The following GRIK3 variants were observed in gnomAD, a reference collection of about 807,000 sequenced individuals.
The protein encoded by GRIK3 is glutamate ionotropic receptor kainate type subunit 3.
A neutral mutation model predicts 102.5 loss-of-function variants in GRIK3; 29 were observed. The observed-to-expected ratio is 0.28, with a 90% CI of 0.21 to 0.39. The LOEUF is 0.39. GRIK3 is among the 10% of genes least tolerant of loss of function. GRIK3 has a pLI of 1.00. For synonymous variants in GRIK3, 511 were observed against 504.9 expected (o/e 1.01, Z -0.16); for missense variants, 908 against 1,252.4 (o/e 0.73, Z 4.15).
chr1:36,951,851 G>GAGGGC (rs1355540807), intron 1 of GRIK3, among the ~76,000 whole-genome samples: 1 of 152,018 alleles, frequency 6.6e-6, no homozygotes, highest in Admixed American at 6.5e-5. Flanking sequence ...AAGGAGGTTG[G>GAGGGC]AGGGCGGAGG....
In GRIK3 at chr1:36,806,961, A is replaced by G. The variant is rs1409005842; in HGVS notation, c.2092-635T>C. On this transcript the variant is annotated intron_variant, in intron 13 of 15. Coordinates refer to ENST00000373091, the MANE Select transcript of GRIK3 (RefSeq NM_000831.4). The surrounding 1 kb of genome is among the most constrained non-coding windows in gnomAD (Gnocchi z 4.0). The stretch of plus-strand genomic sequence containing the variant: ...TGGGCCTCCCCTTTCACTTCAACCA[A>G]TGGAGGCCTCTTTTATGTCCTGTTT... Among the ~76,000 whole-genome samples the G allele has an allele frequency of 3.3e-5, 5 of 151,906 alleles. No individual in the cohort carries two copies. The highest frequency in any genetic ancestry group is 2.1e-4 in the South Asian group (1 of 4,814).
rs2124178782 is a variant in GRIK3 at position 36,806,940 on chromosome 1, C to T, written c.2092-614G>A. Among the ~76,000 whole-genome samples the T allele has an allele frequency of 6.6e-6, 1 of 152,312 alleles. No homozygotes were observed. ...GGGGCAAAGCTGAGTGGGTCCTGGG[C>T]CTCCCCTTTCACTTCAACCAATGGA... On this transcript the variant is annotated intron_variant, in intron 13 of 15. Transcript: ENST00000373091. This position sits in a 1 kb window ranked among gnomAD's most constrained non-coding sequence, Gnocchi z 4.0.
chr1:36,806,334 G>A lies in GRIK3; in HGVS notation c.2092-8C>T, dbSNP rs1257101097. On this transcript the variant is annotated splice_polypyrimidine_tract_variant and splice_region_variant and intron_variant, in intron 13 of 15. Coordinates refer to ENST00000373091, the MANE Select transcript of GRIK3 (RefSeq NM_000831.4). This position sits in a 1 kb window ranked among gnomAD's most constrained non-coding sequence, Gnocchi z 4.0. Reference sequence around the variant, plus strand: ...GGTGGAGATCTTGGATTTCTGGGCCGTGAGGGAAGGGGTGATGCACACACC... The same window carrying A: ...GGTGGAGATCTTGGATTTCTGGGCCATGAGGGAAGGGGTGATGCACACACC... The A allele has an allele frequency of 1.8e-5, 29 of 1,589,682 alleles. No homozygotes were observed. The highest frequency in any genetic ancestry group is 2.3e-5 in the Non-Finnish European group (27 of 1,159,478).
chr1:36,903,444 C>T (rs895675038), intron 1 of GRIK3, among the ~76,000 whole-genome samples: 19 of 152,194 alleles, frequency 1.2e-4, no homozygotes, highest in African/African-American at 2.4e-4. Flanking sequence ...TACTCTTACA[C>T]GCAAGTGCAA....
intron 1 of GRIK3, among the ~76,000 whole-genome samples, chr1:37,006,012 AAG>A (rs1320115630): frequency 3.7e-4 from 56 of 152,090 alleles, no homozygotes; most frequent in African/African-American, 1.3e-3. Context: ...GCTAGCCTGA[AAG>A]GGGATAAGGC....
chr1:36,986,077 A>T (rs1174749862), intron 1 of GRIK3, among the ~76,000 whole-genome samples: 2 of 151,898 alleles, frequency 1.3e-5, no homozygotes, highest in East Asian at 3.9e-4. Flanking sequence ...AGAAGAAGGG[A>T]CCCCACCCTT....
intron 1 of GRIK3, among the ~76,000 whole-genome samples, chr1:36,991,354 C>T (rs1368471865): frequency 2.0e-5 from 3 of 152,216 alleles, no homozygotes; most frequent in Non-Finnish European, 2.9e-5. Flanking sequence ...GCCACAGACA[C>T]CATCTTCCTT....
intron 1 of GRIK3, among the ~76,000 whole-genome samples, chr1:36,961,677 G>A (rs1476855903): frequency 6.6e-6 from 1 of 152,244 alleles, no homozygotes; most frequent in African/African-American, 2.4e-5. Flanking sequence ...TGAATGTCTC[G>A]AGATGGCAGA....
chr1:36,875,387 G>A (rs181385678), intron 3 of GRIK3, among the ~76,000 whole-genome samples: 332 of 152,358 alleles, frequency 2.2e-3, no homozygotes, highest in African/African-American at 7.1e-3. Context: ...CCTTGGGGGA[G>A]ATTGCAGCCA....
chr1:36,801,662 A>G lies in GRIK3; in HGVS notation c.*189T>C. Reference sequence around the variant, plus strand: ...GAAACCCACAGAAGATCTGAGGAGGATGAAGCCCAAGCAGCTGGCCTGAGA... The same window carrying G: ...GAAACCCACAGAAGATCTGAGGAGGGTGAAGCCCAAGCAGCTGGCCTGAGA... On this transcript the variant is annotated 3_prime_UTR_variant, in exon 16 of 16. Coordinates refer to ENST00000373091, the MANE Select transcript of GRIK3 (RefSeq NM_000831.4). 2.0e-6 allele frequency: 1 copy of G among 490,152 alleles called. No individual in the cohort carries two copies. Among genetic ancestry groups the G allele is most frequent in the South Asian group, 4.1e-5 (1 of 24,624 alleles). The allele number at this position is 490,152 out of a possible 1,614,324, so 30.4% of individuals were successfully genotyped here.
At chr1:36,948,793 C>T (rs979237573) in intron 1 of GRIK3, among the ~76,000 whole-genome samples, 2 of 152,236 alleles carry the variant, frequency 1.3e-5, no homozygotes, top group Non-Finnish European at 2.9e-5. Context: ...GTCTCCAGCC[C>T]TCCAGCCCTC....
intron 10 of GRIK3, among the ~76,000 whole-genome samples, chr1:36,841,371 C>A (rs931587478): frequency 6.6e-6 from 1 of 152,196 alleles, no homozygotes; most frequent in Non-Finnish European, 1.5e-5. Flanking sequence ...GGGTGCCTTG[C>A]CCCATAGCTG....
chr1:36,825,635 C>G lies in GRIK3; in HGVS notation c.1722G>C (p.Leu574=), dbSNP rs761667099. 3.0e-5 allele frequency: 48 copies of G among 1,603,598 alleles called. No homozygotes were observed. The highest frequency in any genetic ancestry group is 4.1e-5 in the Non-Finnish European group (48 of 1,175,030). The change falls in exon 11 of 16, where the codon CTG becomes CTC. Residue 574 remains leucine, a synonymous_variant. Transcript: ENST00000373091. ...TGACGAAGAGGACACAGCTGACCCC[C>G]AGGTAGGCGAGGAGAACATACATCC... ...DIWMYVLLAY[L]GVSCVLFVIA... is the part of the protein sequence containing the mutation.
intron 1 of GRIK3, among the ~76,000 whole-genome samples, chr1:36,970,167 T>G (rs763294902): frequency 6.6e-6 from 1 of 152,074 alleles, no homozygotes; most frequent in Non-Finnish European, 1.5e-5. Flanking sequence ...ACTGGGAAAA[T>G]TTTATCAACC....
Position 36,880,875 on chromosome 1 carries a change from T to A in GRIK3, c.309A>T (p.Ala103=). The A allele has an allele frequency of 6.2e-7, 1 of 1,608,632 alleles. No homozygotes were observed. Among genetic ancestry groups the A allele is most frequent in the Non-Finnish European group, 8.5e-7 (1 of 1,177,362 alleles). Residue 103 remains alanine, a synonymous_variant, in exon 3 of 16, where the codon GCA becomes GCT. Transcript: ENST00000373091. The surrounding 1 kb of genome is among the most constrained non-coding windows in gnomAD (Gnocchi z 5.4). ...EATKKACDQL[A]LGVVAIFGPS... ...GGCCGAAGATCGCCACCACGCCCAG[T>A]GCCAGCTGGTCACAGGCTGCAACAG...
At chr1:36,974,812 A>AAAC (rs1553124752) in intron 1 of GRIK3, among the ~76,000 whole-genome samples, 7 of 151,344 alleles carry the variant, frequency 4.6e-5, no homozygotes, top group Non-Finnish European at 8.8e-5. Flanking sequence ...AAAAAAAAAA[A>AAAC]CAAAAAAAAA....
intron 1 of GRIK3, among the ~76,000 whole-genome samples, chr1:36,965,358 G>T (rs1642067853): frequency 2.0e-5 from 3 of 152,226 alleles, no homozygotes; most frequent in Non-Finnish European, 4.4e-5. Flanking sequence ...AATGGGAAAA[G>T]ATGAGAATAA....
intron 1 of GRIK3, among the ~76,000 whole-genome samples, chr1:37,004,804 A>T (rs1642514725): frequency 6.6e-6 from 1 of 152,244 alleles, no homozygotes; most frequent in African/African-American, 2.4e-5. Context: ...TACACCTGTT[A>T]TGTGTAACTT....
chr1:36,957,463 A>ATGACTCTGTGCCCCATGAGCCTG (rs1641929780), intron 1 of GRIK3, among the ~76,000 whole-genome samples: 3 of 45,592 alleles, frequency 6.6e-5, no homozygotes, highest in African/African-American at 2.4e-4. Context: ...CTGTGAGCCT[A>ATGACTCTGTGCCCCATGAGCCTG]TGTGCTCTGT....
Sources: allele counts gnomAD v4.1 joint callset (sites outside exome capture counted in the v4.1 genomes callset), GRCh38; gene constraint gnomAD v4.1.1; non-coding constraint Gnocchi (gnomAD v3.1); transcripts MANE v1.5; gene names NCBI Gene and HGNC (gene_info 2026-07-23, HGNC 2026-07-21).